Variants in DIABLO observed in about 807,000 individuals in gnomAD.
The protein encoded by DIABLO is diablo homolog, mitochondrial.
DIABLO carries 32 observed loss-of-function variants against 31.7 expected under a neutral mutation model. That is an observed-to-expected ratio of 1.01 (90% CI 0.76 to 1.35). The LOEUF (loss-of-function observed/expected upper bound fraction) is 1.35. Ranked by LOEUF, DIABLO falls within the 40% of genes most tolerant of loss-of-function variation. The probability of loss-of-function intolerance (pLI) is 0.00; values close to 1 mark genes in which losing one functional copy is unlikely to be tolerated. For missense variants in DIABLO, 316 were observed against 286.4 expected (o/e 1.10, Z -0.75); for synonymous variants, 132 against 103.2 (o/e 1.28, Z -1.69).
intron 1 of DIABLO, 196 bp downstream of exon 1, chr12:122,225,769 A>T: frequency 6.9e-7 from 1 of 1,441,576 alleles, no homozygotes; most frequent in Non-Finnish European, 9.1e-7. Flanking sequence ...ACGAACTGAA[A>T]AGGAAGCCGG....
At chr12:122,226,770 C>T, upstream of DIABLO, 2 of 558,480 alleles carry the variant, frequency 3.6e-6, no homozygotes, top group Middle Eastern at 4.8e-4. Flanking sequence ...TGCCCTCGTT[C>T]TTCGGCTCTG....
chr12:122,209,790 T>C lies in DIABLO; in HGVS notation c.524-1213A>G, dbSNP rs182277781. 1.8e-3 allele frequency: 1,297 copies of C among 703,526 alleles called. 1 individual carries two copies. The highest frequency in any genetic ancestry group is 2.9e-3 in the Non-Finnish European group (1,134 of 385,100). The allele number at this position is 703,526 out of a possible 1,614,324, so 43.6% of individuals were successfully genotyped here. ...GATCTTACTGCATTAACAAGAACCTTCAGGACAATGTTGACAGGTAGTGGA... is the reference window on the plus strand; with the variant it reads ...GATCTTACTGCATTAACAAGAACCTCCAGGACAATGTTGACAGGTAGTGGA... On this transcript the variant is annotated intron_variant, in intron 5 of 5. Coordinates refer to ENST00000464942, the MANE Select transcript of DIABLO (RefSeq NM_001371333.1).
chr12:122,210,537 T>G (rs1028711204), intron 5 of DIABLO, among the ~76,000 whole-genome samples: 1 of 151,548 alleles, frequency 6.6e-6, no homozygotes, highest in African/African-American at 2.4e-5. Flanking sequence ...CATGCCTAAT[T>G]TATTTATTTA....
chr12:122,209,618 T>C (rs1954032019), intron 5 of DIABLO: 1 of 620,132 alleles, frequency 1.6e-6, no homozygotes, highest in Non-Finnish European at 2.9e-6. Context: ...TGAGCTGAGA[T>C]CGCGCCACTT....
upstream of DIABLO, chr12:122,227,442 G>T (rs750314567): frequency 4.4e-6 from 2 of 454,148 alleles, no homozygotes; most frequent in South Asian, 3.1e-5. Flanking sequence ...TGTATTCTGC[G>T]ATCTCGGCAG....
chr12:122,224,694 G>C, intron 1 of DIABLO, 50 bp from the exon 2 acceptor site: 6 of 1,613,962 alleles, frequency 3.7e-6, no homozygotes, highest in Non-Finnish European at 5.1e-6. Flanking sequence ...ATCTGTAACA[G>C]GCTCTTGGAT....
intron 2 of DIABLO, 47 bp from the exon 3 acceptor site, chr12:122,218,444 G>C (rs2136099179): frequency 6.2e-7 from 1 of 1,613,192 alleles, no homozygotes; most frequent in Non-Finnish European, 8.5e-7. Flanking sequence ...CTCAAACTGA[G>C]AACTTTTTCA....
At chr12:122,213,075 C>T (rs1954123131) in intron 5 of DIABLO, among the ~76,000 whole-genome samples, 1 of 152,080 alleles carries the variant, frequency 6.6e-6, no homozygotes, top group African/African-American at 2.4e-5. Context: ...CGCCCATCAC[C>T]ATGCCTGGCT....
At chr12:122,225,471 G>C (rs1954438086) in intron 1 of DIABLO, 2 of 1,018,764 alleles carry the variant, frequency 2.0e-6, no homozygotes, top group Admixed American at 1.0e-4. Flanking sequence ...GCAGAATTTA[G>C]CTCTGGACCC....
chr12:122,226,627 C>A (rs1435958144), upstream of DIABLO: 3 of 672,728 alleles, frequency 4.5e-6, no homozygotes, highest in Non-Finnish European at 8.1e-6. Flanking sequence ...CCCAGAGGGG[C>A]GGACGGGAAC....
chr12:122,224,140 C>T (rs1954393813), intron 2 of DIABLO, among the ~76,000 whole-genome samples: 1 of 152,120 alleles, frequency 6.6e-6, no homozygotes, highest in South Asian at 2.1e-4. Flanking sequence ...ATATTTTATC[C>T]TCTTTCATCT....
chr12:122,223,659 G>T (rs1049982540), intron 2 of DIABLO, among the ~76,000 whole-genome samples: 3 of 151,968 alleles, frequency 2.0e-5, no homozygotes, highest in Non-Finnish European at 4.4e-5. Context: ...AGTTCCTTCT[G>T]CCTGGCAAGC....
intron 5 of DIABLO, among the ~76,000 whole-genome samples, chr12:122,209,367 GAAAAA>G (rs890433073): frequency 1.5e-5 from 2 of 130,780 alleles, no homozygotes; most frequent in East Asian, 4.0e-4. Flanking sequence ...AAAAAAAAAA[GAAAAA>G]AAGAAAAAAG....
intron 2 of DIABLO, among the ~76,000 whole-genome samples, chr12:122,223,780 T>G (rs1029451677): frequency 6.6e-6 from 1 of 152,162 alleles, no homozygotes; most frequent in Non-Finnish European, 1.5e-5. Context: ...CCTCCCAGAA[T>G]TGCCTATTCA....
intron 1 of DIABLO, chr12:122,225,566 T>C: frequency 8.6e-7 from 1 of 1,164,618 alleles, no homozygotes; most frequent in African/African-American, 1.6e-5. Flanking sequence ...CTGCGCCAGC[T>C]CCCCCGGCCC....
chr12:122,214,339 C>T (rs778131328), intron 5 of DIABLO, among the ~76,000 whole-genome samples: 2 of 152,162 alleles, frequency 1.3e-5, no homozygotes, highest in Non-Finnish European at 2.9e-5. Flanking sequence ...AGCCACCACA[C>T]CCAGCCCTTT....
chr12:122,215,885 A>G (rs1433882987), intron 5 of DIABLO, among the ~76,000 whole-genome samples: 2 of 16,672 alleles, frequency 1.2e-4, no homozygotes, highest in Admixed American at 7.6e-4. Context: ...TTATGAAGGA[A>G]AAAAAAAAAA....
intron 1 of DIABLO, chr12:122,225,016 C>G (rs1047243728): frequency 1.5e-5 from 6 of 398,230 alleles, no homozygotes; most frequent in African/African-American, 1.3e-4. Context: ...AATTCGAAAT[C>G]TGCCTGACCA....
At position 122,217,270 on chromosome 12, in the gene DIABLO, T is replaced by C. The variant is rs1954236286; in HGVS notation, c.316-401A>G. 3.5e-5 allele frequency: 9 copies of C among 255,782 alleles called. No homozygotes were observed. In the South Asian group the frequency reaches 3.9e-4, roughly 11 times the overall value. 15.8% of individuals were successfully genotyped at this position (255,782 alleles called of 1,614,324 possible). ...GCTCATGCCTGTAATCCTAGCACTT[T>C]GGGAGGCTAAGACACGTGGATCACC... On this transcript the variant is annotated intron_variant, in intron 3 of 5. Transcript: ENST00000464942.
Sources: gnomAD v4.1 joint callset for allele counts (sites outside exome capture counted in the v4.1 genomes callset) on GRCh38, gnomAD v4.1.1 for gene constraint, MANE v1.5 for transcripts, NCBI Gene and HGNC (gene_info 2026-07-23, HGNC 2026-07-21) for gene names.